Variants in ZZZ3 observed in about 807,000 individuals in gnomAD.
ZZZ3 encodes zinc finger ZZ-type containing 3.
A neutral mutation model predicts 95.2 loss-of-function variants in ZZZ3; 22 were observed. The ratio of observed to expected loss-of-function variants is 0.23; its 90% CI spans 0.17 to 0.33. ZZZ3 has a LOEUF of 0.33. Among genes scored for constraint, ZZZ3 ranks in the 10% least tolerant of loss-of-function variants. The probability of loss-of-function intolerance (pLI) is 1.00; values close to 1 mark genes in which losing one functional copy is unlikely to be tolerated. For synonymous variants in ZZZ3, 335 were observed against 358.9 expected (o/e 0.93, Z 0.75); for missense variants, 885 against 1,066.5 (o/e 0.83, Z 2.37).
chr1:77,605,230 TGAGA>T (rs938322578), intron 5 of ZZZ3, among the ~76,000 whole-genome samples: 1 of 152,118 alleles, frequency 6.6e-6, no homozygotes, highest in African/African-American at 2.4e-5. Context: ...CTATGATTAA[TGAGA>T]GAGAGGGCAC....
At chr1:77,651,366 G>A (rs1208860066) in intron 1 of ZZZ3, among the ~76,000 whole-genome samples, 1 of 152,146 alleles carries the variant, frequency 6.6e-6, no homozygotes, top group Non-Finnish European at 1.5e-5. Flanking sequence ...GCGACAGAGA[G>A]AGAGAATCTG....
At chr1:77,567,333 T>C (rs1328025430) in intron 13 of ZZZ3, among the ~76,000 whole-genome samples, 1 of 152,238 alleles carries the variant, frequency 6.6e-6, no homozygotes, top group Non-Finnish European at 1.5e-5. Flanking sequence ...TCCTTGACTC[T>C]AGTCTTGCCT....
At chr1:77,573,540 C>A (rs1661626052) in intron 12 of ZZZ3, among the ~76,000 whole-genome samples, 1 of 152,174 alleles carries the variant, frequency 6.6e-6, no homozygotes, top group African/African-American at 2.4e-5. Context: ...CGTATCTAAT[C>A]CCTAGCAAAG....
At chr1:77,577,610 A>G (rs1034008277) in intron 11 of ZZZ3, among the ~76,000 whole-genome samples, 1 of 152,248 alleles carries the variant, frequency 6.6e-6, no homozygotes, top group Non-Finnish European at 1.5e-5. Flanking sequence ...ATGGAAGGAT[A>G]ACAGCACTAG....
At chr1:77,650,347 T>C (rs1669688745) in intron 1 of ZZZ3, among the ~76,000 whole-genome samples, 1 of 152,232 alleles carries the variant, frequency 6.6e-6, no homozygotes, top group African/African-American at 2.4e-5. Context: ...GCAGTTTAGT[T>C]ATTTGGAAGC....
intron 5 of ZZZ3, among the ~76,000 whole-genome samples, chr1:77,600,688 C>A (rs1557714167): frequency 1.3e-5 from 2 of 152,062 alleles, no homozygotes; most frequent in East Asian, 1.9e-4. Flanking sequence ...AGATAACATG[C>A]AGAAACGTTT....
chr1:77,610,153 A>C (rs939596363), intron 5 of ZZZ3, among the ~76,000 whole-genome samples: 4 of 150,656 alleles, frequency 2.7e-5, no homozygotes, highest in African/African-American at 7.3e-5. Context: ...AAAAAAGCAG[A>C]CTTTACAATC....
rs545914779 is a variant in ZZZ3, at chr1:77,572,634, G to A, written c.2331+3434C>T. On this transcript the variant is annotated intron_variant, in intron 12 of 14. Transcript: ENST00000370801. ...ATTACAGGTGTGAGACACTGCGCCC[G>A]GCCTTTTTGTTTGTTTTTTTAAGAC... Among the ~76,000 whole-genome samples the A allele has an allele frequency of 1.0e-3, 156 of 151,368 alleles. 1 individual carries two copies. The highest frequency in any genetic ancestry group is 3.5e-3 in the African/African-American group (143 of 41,238).
intron 1 of ZZZ3, among the ~76,000 whole-genome samples, chr1:77,647,155 A>G (rs1403346816): frequency 1.3e-5 from 2 of 152,214 alleles, no homozygotes; most frequent in African/African-American, 4.8e-5. Flanking sequence ...AGCTACTGAC[A>G]TATCAGTGAA....
At chr1:77,672,785 G>A (rs755812678) in intron 1 of ZZZ3, among the ~76,000 whole-genome samples, 2 of 152,182 alleles carry the variant, frequency 1.3e-5, no homozygotes, top group African/African-American at 4.8e-5. Flanking sequence ...TCACTAGGTA[G>A]AACAGCATTT....
chr1:77,571,668 C>T (rs1039575532), intron 12 of ZZZ3, among the ~76,000 whole-genome samples: 2 of 152,092 alleles, frequency 1.3e-5, no homozygotes, highest in Admixed American at 1.3e-4. Context: ...CTGGGTGAAA[C>T]GAGCCAGTCA....
chr1:77,597,763 C>A (rs895231337), intron 5 of ZZZ3, among the ~76,000 whole-genome samples: 1 of 151,926 alleles, frequency 6.6e-6, no homozygotes, highest in Admixed American at 6.6e-5. Flanking sequence ...TCCAGCCAAG[C>A]GAAGACTCAG....
At chr1:77,583,427 G>T (rs1662737989) in intron 6 of ZZZ3, among the ~76,000 whole-genome samples, 1 of 151,868 alleles carries the variant, frequency 6.6e-6, no homozygotes, top group Non-Finnish European at 1.5e-5. Flanking sequence ...ACACTTAAAG[G>T]GGCCTCATTT....
chr1:77,621,687 C>T lies in ZZZ3; in HGVS notation c.1505+10163G>A, dbSNP rs556226545. Reference sequence around the variant, plus strand: ...TAAAAATTAGCCACGTGTGGTGGTACGCACCTGTAGTCCCAGCTACTTGGG... The same window carrying T: ...TAAAAATTAGCCACGTGTGGTGGTATGCACCTGTAGTCCCAGCTACTTGGG... On this transcript the variant is annotated intron_variant, in intron 5 of 14. Coordinates refer to ENST00000370801, the MANE Select transcript of ZZZ3 (RefSeq NM_015534.6). Among the ~76,000 whole-genome samples, 230 of 151,742 alleles carry T rather than the reference C, an allele frequency of 1.5e-3. 2 individuals are homozygous for T. The highest frequency in any genetic ancestry group is 5.1e-3 in the African/African-American group (211 of 41,378).
At chr1:77,589,372 T>G (rs939026844) in intron 5 of ZZZ3, among the ~76,000 whole-genome samples, 1 of 152,100 alleles carries the variant, frequency 6.6e-6, no homozygotes, top group Admixed American at 6.5e-5. Flanking sequence ...AATCCTGACA[T>G]CTGAAGAGAA....
At chr1:77,567,881 A>G (rs886895174) in intron 13 of ZZZ3, among the ~76,000 whole-genome samples, 3 of 152,180 alleles carry the variant, frequency 2.0e-5, no homozygotes, top group Non-Finnish European at 4.4e-5. Context: ...TTTTACCTCA[A>G]TTGATAGCTA....
At chr1:77,660,596 C>T (rs1249325752) in intron 1 of ZZZ3, among the ~76,000 whole-genome samples, 3 of 152,178 alleles carry the variant, frequency 2.0e-5, no homozygotes, top group Non-Finnish European at 2.9e-5. Flanking sequence ...GCATATACCA[C>T]ATTTTGCTCA....
chr1:77,581,761 T>C lies in ZZZ3; in HGVS notation c.1908+15A>G. Reference sequence around the variant, plus strand: ...AAATTCAAATTCTCCTACTCCAATATTTCACACTGCTTACCTGAGGACGAC... The same window carrying C: ...AAATTCAAATTCTCCTACTCCAATACTTCACACTGCTTACCTGAGGACGAC... On this transcript the variant is annotated intron_variant, in intron 8 of 14. Transcript: ENST00000370801. 3 of 1,584,786 alleles carry C rather than the reference T, an allele frequency of 1.9e-6. No homozygotes were observed. The South Asian group carries it at 3.5e-5, about 18-fold the overall frequency.
At chr1:77,633,704 C>T (rs933195929) in intron 4 of ZZZ3, among the ~76,000 whole-genome samples, 2 of 152,178 alleles carry the variant, frequency 1.3e-5, no homozygotes, top group Non-Finnish European at 2.9e-5. Context: ...ATCATCCCTA[C>T]TTCACGAATG....
Sources: gnomAD v4.1 joint callset for allele counts (sites outside exome capture counted in the v4.1 genomes callset) on GRCh38, gnomAD v4.1.1 for gene constraint, MANE v1.5 for transcripts, NCBI Gene and HGNC (gene_info 2026-07-23, HGNC 2026-07-21) for gene names.